MGAT4C: variants seen among roughly 807,000 people sequenced by gnomAD.
The protein encoded by MGAT4C is MGAT4 family member C, also known as alpha-1,3-mannosyl-glycoprotein 4-beta-N-acetylglucosaminyltransferase C.
Under a neutral mutation model 40.1 loss-of-function variants are expected in MGAT4C, and 19 were observed. The observed-to-expected ratio is 0.47, with a 90% CI of 0.33 to 0.70. The LOEUF (loss-of-function observed/expected upper bound fraction) is 0.70. MGAT4C is among the 30% of genes least tolerant of loss of function. The pLI is 0.02. For synonymous variants in MGAT4C, 181 were observed against 187.1 expected (o/e 0.97, Z 0.27); for missense variants, 491 against 563.2 (o/e 0.87, Z 1.30).
rs779860939 is a variant in MGAT4C, at chr12:85,980,050, C to T, written c.676G>A (p.Asp226Asn). 1.2e-6 allele frequency: 2 copies of T among 1,613,692 alleles called. No homozygotes were observed. The highest frequency in any genetic ancestry group is 2.2e-5 in the East Asian group (1 of 44,862). Residue 226 changes from aspartate (D) to asparagine (N), a missense_variant, in exon 5 of 5, where the codon GAT (aspartate) becomes AAT (asparagine). By Grantham distance (23) the Asp-to-Asn change is conservative. Coordinates refer to ENST00000611864, the MANE Select transcript of MGAT4C (RefSeq NM_001351288.2). ...TSDYYVMLED[D>N]VRCSKNFLTA... ...AAGAAATTTTTTGAACATCGAACAT[C>T]ATCTTCAAGCATTACATAATAGTCT...
At chr12:86,717,782 A>G (rs1950669789) in intron 2 of MGAT4C, among the ~76,000 whole-genome samples, 1 of 152,172 alleles carries the variant, frequency 6.6e-6, no homozygotes. Context: ...ACATACTTAT[A>G]TATGTATGGG....
intron 2 of MGAT4C, among the ~76,000 whole-genome samples, chr12:86,546,614 C>T (rs974681649): frequency 2.6e-5 from 4 of 151,996 alleles, no homozygotes; most frequent in African/African-American, 2.4e-5. Flanking sequence ...TTTAAAAATG[C>T]TTTTGGTGGA....
At chr12:85,987,968 A>C (rs918791408) in intron 3 of MGAT4C, among the ~76,000 whole-genome samples, 17 of 152,198 alleles carry the variant, frequency 1.1e-4, no homozygotes, top group Non-Finnish European at 2.1e-4. Context: ...GTTAACTTAC[A>C]ATCTTTCATT....
chr12:86,675,724 G>T (rs934704405), intron 2 of MGAT4C, among the ~76,000 whole-genome samples: 1 of 152,000 alleles, frequency 6.6e-6, no homozygotes, highest in Non-Finnish European at 1.5e-5. Flanking sequence ...TACATATGTT[G>T]GGGATGCATG....
chr12:86,331,171 T>TC (rs1357638151), intron 4 of MGAT4C, among the ~76,000 whole-genome samples: 5 of 152,292 alleles, frequency 3.3e-5, no homozygotes, highest in Non-Finnish European at 5.9e-5. Flanking sequence ...AGCAGGCAAC[T>TC]TGAGAGATTC....
intron 2 of MGAT4C, among the ~76,000 whole-genome samples, chr12:86,007,017 G>C (rs1887953807): frequency 6.6e-6 from 1 of 152,040 alleles, no homozygotes; most frequent in African/African-American, 2.4e-5. Flanking sequence ...CTAAGAATCT[G>C]ATTCATCTAA....
chr12:86,408,694 T>C (rs1374315540), intron 3 of MGAT4C, among the ~76,000 whole-genome samples: 1 of 151,732 alleles, frequency 6.6e-6, no homozygotes, highest in Admixed American at 6.6e-5. Flanking sequence ...TTAAAAATTA[T>C]GTAACATTTG....
chr12:86,769,954 T>A (rs1004174347), intron 1 of MGAT4C, among the ~76,000 whole-genome samples: 8 of 152,042 alleles, frequency 5.3e-5, no homozygotes, highest in Non-Finnish European at 8.8e-5. Flanking sequence ...ATGGCACACG[T>A]ATACATATGT....
intron 1 of MGAT4C, among the ~76,000 whole-genome samples, chr12:86,050,631 G>T (rs1233375484): frequency 6.6e-6 from 1 of 151,974 alleles, no homozygotes; most frequent in African/African-American, 2.4e-5. Context: ...TTGAGGCACA[G>T]ATTCCTCCAG....
intron 2 of MGAT4C, among the ~76,000 whole-genome samples, chr12:86,454,052 G>A (rs1957469916): frequency 6.6e-6 from 1 of 151,956 alleles, no homozygotes; most frequent in African/African-American, 2.4e-5. Context: ...TTTTCAAAGA[G>A]CCAATAAAAG....
At chr12:86,786,393 A>G (rs1483125958) in intron 1 of MGAT4C, among the ~76,000 whole-genome samples, 2 of 152,128 alleles carry the variant, frequency 1.3e-5, no homozygotes, top group Non-Finnish European at 2.9e-5. Context: ...AGATAAGTAT[A>G]TATTAACCAA....
At chr12:86,593,278 T>TC (rs1961406286) in intron 2 of MGAT4C, among the ~76,000 whole-genome samples, 3 of 151,822 alleles carry the variant, frequency 2.0e-5, no homozygotes, top group African/African-American at 7.3e-5. Flanking sequence ...TTTTTTTTGG[T>TC]CAAGGTAGCT....
At chr12:86,428,736 A>C (rs1168481420) in intron 3 of MGAT4C, among the ~76,000 whole-genome samples, 1 of 152,146 alleles carries the variant, frequency 6.6e-6, no homozygotes, top group South Asian at 2.1e-4. Flanking sequence ...TTTCTTATAC[A>C]ATATCCAATT....
At chr12:86,731,380 A>T (rs545836849) in intron 1 of MGAT4C, among the ~76,000 whole-genome samples, 1 of 152,110 alleles carries the variant, frequency 6.6e-6, no homozygotes, top group Non-Finnish European at 1.5e-5. Flanking sequence ...ATAATACCCA[A>T]ATAAATTTCT....
chr12:86,455,079 T>A, intron 2 of MGAT4C, among the ~76,000 whole-genome samples: 1 of 152,282 alleles, frequency 6.6e-6, no homozygotes. Flanking sequence ...CTTTTATTTA[T>A]TATTTAATTT....
At chr12:86,119,677 G>C (rs1879046881) in intron 1 of MGAT4C, among the ~76,000 whole-genome samples, 1 of 150,898 alleles carries the variant, frequency 6.6e-6, no homozygotes, top group Admixed American at 6.6e-5. Flanking sequence ...CCAAAGTGCT[G>C]GAATTACAGC....
rs528678802 is a variant in MGAT4C, at chr12:86,726,037, G to A, written c.-229+1172C>T. 3.1e-4 allele frequency among the ~76,000 whole-genome samples: 47 copies of A among 152,252 alleles called. 1 individual carries two copies. Among genetic ancestry groups the A allele is most frequent in the South Asian group, 6.2e-4 (3 of 4,828 alleles). On this transcript the variant is annotated intron_variant, in intron 2 of 7. Transcript: ENST00000548651. Reference sequence around the variant, plus strand: ...AATCCTTCACAAAAGAATGTCCAGTGTCTAAAGACTATGGATCGTTTCCAA... The same window carrying A: ...AATCCTTCACAAAAGAATGTCCAGTATCTAAAGACTATGGATCGTTTCCAA...
intron 1 of MGAT4C, among the ~76,000 whole-genome samples, chr12:86,774,299 C>CTT (rs142126894): frequency 0.47 from 37,053 of 78,094 alleles, 9,344 homozygotes; most frequent in South Asian, 0.56. Flanking sequence ...TTCTTTCTTT[C>CTT]TTTCTTTCTT....
intron 1 of MGAT4C, among the ~76,000 whole-genome samples, chr12:86,166,553 T>A (rs1264672347): frequency 6.6e-6 from 1 of 152,094 alleles, no homozygotes; most frequent in Non-Finnish European, 1.5e-5. Flanking sequence ...AGGCTTGTAA[T>A]CTCAGCTACT....
Sources: allele counts gnomAD v4.1 joint callset (sites outside exome capture counted in the v4.1 genomes callset), GRCh38; gene constraint gnomAD v4.1.1; transcripts MANE v1.5; gene names NCBI Gene and HGNC (gene_info 2026-07-23, HGNC 2026-07-21).